CHODL: variants seen among roughly 807,000 people sequenced by gnomAD.
CHODL encodes chondrolectin.
In CHODL, 29 loss-of-function variants were observed where a neutral mutation model predicts 34.5. The ratio of observed to expected loss-of-function variants is 0.84; its 90% CI spans 0.63 to 1.15. CHODL has a LOEUF of 1.15. Among genes scored for constraint, CHODL ranks in the 50% most tolerant of loss-of-function variants. The probability of loss-of-function intolerance (pLI) is 0.00; values close to 1 mark genes in which losing one functional copy is unlikely to be tolerated. For missense variants in CHODL, 332 were observed against 332.5 expected, an observed-to-expected ratio of 1.00 and a Z score of 0.01; for synonymous variants, 125 against 116.1, an observed-to-expected ratio of 1.08 and a Z score of -0.49.
chr21:18,208,843 T>G (rs1025173593), intron 2 of CHODL, among the ~76,000 whole-genome samples: 2 of 151,590 alleles, frequency 1.3e-5, no homozygotes, highest in Non-Finnish European at 2.9e-5. Context: ...AACAGAGTCA[T>G]TCTCTCTCTT....
chr21:18,079,605 T>A (rs2064911687), intron 2 of CHODL, among the ~76,000 whole-genome samples: 1 of 150,932 alleles, frequency 6.6e-6, no homozygotes, highest in Admixed American at 6.6e-5. Flanking sequence ...TTATATATAA[T>A]CACATATATA....
chr21:18,120,579 G>A (rs2065467730), intron 2 of CHODL, among the ~76,000 whole-genome samples: 1 of 152,092 alleles, frequency 6.6e-6, no homozygotes, highest in Non-Finnish European at 1.5e-5. Flanking sequence ...TGGAAACCAA[G>A]AGGAACCTGT....
At chr21:18,120,133 A>G (rs1424385698) in intron 2 of CHODL, among the ~76,000 whole-genome samples, 1 of 152,150 alleles carries the variant, frequency 6.6e-6, no homozygotes, top group African/African-American at 2.4e-5. Flanking sequence ...ATATTTGTAG[A>G]TCTTTGAGAT....
chr21:17,971,268 C>T lies in CHODL; in HGVS notation c.-145+53868C>T, dbSNP rs919229154. Among the ~76,000 whole-genome samples, 6 of 152,300 alleles carry T rather than the reference C, an allele frequency of 3.9e-5. 1 individual carries two copies. The highest frequency in any genetic ancestry group is 1.3e-4 in the Admixed American group (2 of 15,296). On this transcript the variant is annotated intron_variant, in intron 1 of 6. Coordinates refer to the CHODL transcript ENST00000400127. ...ATACCCAGTAATGGGATTGCTGGGTCAAATGGTATTTCTAGTTATAGATGC... is the reference window on the plus strand; with the variant it reads ...ATACCCAGTAATGGGATTGCTGGGTTAAATGGTATTTCTAGTTATAGATGC...
At chr21:17,937,468 G>C (rs996007597) in intron 1 of CHODL, among the ~76,000 whole-genome samples, 8 of 152,232 alleles carry the variant, frequency 5.3e-5, no homozygotes, top group African/African-American at 1.9e-4. Context: ...GAAAGCTCAC[G>C]TTGAGGGTGA....
intron 2 of CHODL, among the ~76,000 whole-genome samples, chr21:18,193,020 A>G (rs2073529168): frequency 6.6e-6 from 1 of 152,198 alleles, no homozygotes; most frequent in Non-Finnish European, 1.5e-5. Context: ...CTTGTATAGT[A>G]GCAAATTGTG....
intron 1 of CHODL, among the ~76,000 whole-genome samples, chr21:17,988,178 G>A (rs530993444): frequency 1.3e-5 from 2 of 152,232 alleles, no homozygotes; most frequent in South Asian, 4.1e-4. Flanking sequence ...GGCATGTGAA[G>A]CCATGAGAAA....
chr21:18,211,153 C>CACAT (rs1266550288), intron 2 of CHODL, among the ~76,000 whole-genome samples: 1 of 151,302 alleles, frequency 6.6e-6, no homozygotes, highest in African/African-American at 2.4e-5. Flanking sequence ...CACACACACA[C>CACAT]ACACACACAC....
chr21:17,999,044 GC>G (rs566421644), intron 1 of CHODL, among the ~76,000 whole-genome samples: 182 of 152,036 alleles, frequency 1.2e-3, no homozygotes, highest in Non-Finnish European at 2.2e-3. Context: ...AAAACAGAAT[GC>G]TTTTGACAGC....
intron 1 of CHODL, among the ~76,000 whole-genome samples, chr21:17,995,106 C>G (rs2063836230): frequency 6.6e-6 from 1 of 152,106 alleles, no homozygotes; most frequent in Non-Finnish European, 1.5e-5. Flanking sequence ...TGGGTAGCCA[C>G]AGAGGGATGT....
intron 1 of CHODL, among the ~76,000 whole-genome samples, chr21:17,929,083 A>G (rs1404856222): frequency 6.6e-6 from 1 of 152,234 alleles, no homozygotes; most frequent in Non-Finnish European, 1.5e-5. Flanking sequence ...AAAGACAGCC[A>G]ACATATTCAG....
chr21:18,202,511 T>C (rs1013397826), intron 2 of CHODL, among the ~76,000 whole-genome samples: 1 of 152,158 alleles, frequency 6.6e-6, no homozygotes, highest in African/African-American at 2.4e-5. Flanking sequence ...TCTTCAGACA[T>C]AGAAAGAAGG....
At chr21:18,207,403 A>AT (rs1476473330) in intron 2 of CHODL, among the ~76,000 whole-genome samples, 2 of 152,176 alleles carry the variant, frequency 1.3e-5, no homozygotes, top group African/African-American at 2.4e-5. Flanking sequence ...TTTGTGTCTT[A>AT]TTATACTGTG....
intron 2 of CHODL, among the ~76,000 whole-genome samples, chr21:18,037,760 A>G (rs1202910788): frequency 2.0e-5 from 3 of 151,842 alleles, no homozygotes; most frequent in African/African-American, 7.2e-5. Flanking sequence ...TGATGGTTTT[A>G]GGGTATCTGA....
chr21:18,232,942 GATATATATATATATATATAT>G (rs371388519), intron 2 of CHODL, among the ~76,000 whole-genome samples: 2 of 119,424 alleles, frequency 1.7e-5, no homozygotes, highest in African/African-American at 3.7e-5. Context: ...ATGATGTTAT[GATATATATATATATATATAT>G]ATATATATAT....
chr21:17,958,983 T>C (rs197544), intron 1 of CHODL, among the ~76,000 whole-genome samples: 62,149 of 151,790 alleles, frequency 0.41, 13,059 homozygotes, highest in East Asian at 0.64. Flanking sequence ...TTAGGTTTCT[T>C]CAGCTTGCTC....
chr21:18,009,474 G>A (rs2063991094), intron 1 of CHODL, among the ~76,000 whole-genome samples: 1 of 152,102 alleles, frequency 6.6e-6, no homozygotes, highest in African/African-American at 2.4e-5. Context: ...ATTTTATTTA[G>A]ATAATGTTAT....
intron 2 of CHODL, among the ~76,000 whole-genome samples, chr21:18,158,710 T>G (rs889939031): frequency 1.2e-4 from 18 of 151,890 alleles, no homozygotes; most frequent in Non-Finnish European, 2.4e-4. Context: ...TGGTGGCAGG[T>G]GCCTGTAATC....
At chr21:18,107,892 G>C (rs752763348) in intron 2 of CHODL, among the ~76,000 whole-genome samples, 3 of 152,202 alleles carry the variant, frequency 2.0e-5, no homozygotes, top group Admixed American at 2.0e-4. Flanking sequence ...TCATCAGAAG[G>C]TTCCTAGTGG....
Sources: gnomAD v4.1 joint callset for allele counts (sites outside exome capture counted in the v4.1 genomes callset) on GRCh38, gnomAD v4.1.1 for gene constraint, MANE v1.5 for transcripts, NCBI Gene and HGNC (gene_info 2026-07-23, HGNC 2026-07-21) for gene names.